FRAS1: variants seen among roughly 807,000 people sequenced by gnomAD.
FRAS1 encodes extracellular matrix organizing protein FRAS1.
Under a neutral mutation model 435.2 loss-of-function variants are expected in FRAS1, and 290 were observed. The ratio of observed to expected loss-of-function variants is 0.67; its 90% confidence interval spans 0.61 to 0.73. The LOEUF is 0.73. Among genes scored for constraint, FRAS1 ranks in the 30% least tolerant of loss-of-function variants. The pLI is 0.00. For missense variants in FRAS1, 4,860 were observed against 5,001.5 expected (o/e 0.97, Z 0.85); for synonymous variants, 1,800 against 1,851.0 (o/e 0.97, Z 0.71).
In FRAS1 at chr4:78,324,253, G is replaced by A. The variant is rs565168159; in HGVS notation, c.2137+5267G>A. On this transcript the variant is annotated intron_variant, in intron 18 of 73. Coordinates refer to ENST00000512123, the MANE Select transcript of FRAS1 (RefSeq NM_025074.7). ...TTAGCAAATAAAAATTCAGGCTTTAGCAAGTTTTAAAAAATGAATAATTTT... is the reference window on the plus strand; with the variant it reads ...TTAGCAAATAAAAATTCAGGCTTTAACAAGTTTTAAAAAATGAATAATTTT... 1.1e-4 allele frequency among the ~76,000 whole-genome samples: 17 copies of A among 152,212 alleles called. No individual in the cohort carries two copies. The South Asian group carries it at 2.1e-3, about 19-fold the overall frequency.
intron 2 of FRAS1, among the ~76,000 whole-genome samples, chr4:78,086,803 TC>T (rs1741204626): frequency 6.6e-6 from 1 of 151,996 alleles, no homozygotes; most frequent in African/African-American, 2.4e-5. Flanking sequence ...CCAAAAAAAG[TC>T]CAGGACCAGA....
intron 20 of FRAS1, among the ~76,000 whole-genome samples, chr4:78,343,049 G>GGTTA (rs1730456545): frequency 6.6e-6 from 1 of 152,096 alleles, no homozygotes; most frequent in Non-Finnish European, 1.5e-5. Flanking sequence ...TCTAAACAAT[G>GGTTA]GTTAATAGGT....
rs1364165490 is a variant in FRAS1, at chr4:78,363,585, A to T, written c.2495A>T (p.Asn832Ile). The change falls in exon 21 of 74, where the codon AAT (asparagine) becomes ATT (isoleucine). Residue 832 changes from asparagine (N) to isoleucine (I), a missense_variant. Asn to Ile is a moderately radical substitution (Grantham distance 149, BLOSUM62 -3). Transcript: ENST00000512123. ...GGGAGCATCTGCCTCAGGTGCCAGAATGCCCACTACCTGCTGCTCGGGGAC... is the reference window on the plus strand; with the variant it reads ...GGGAGCATCTGCCTCAGGTGCCAGATTGCCCACTACCTGCTGCTCGGGGAC... ...NTGSICLRCQ[N>I]AHYLLLGDHC... The T allele has an allele frequency of 3.1e-6, 5 of 1,612,400 alleles. No individual in the cohort carries two copies. Among genetic ancestry groups the T allele is most frequent in the Non-Finnish European group, 4.2e-6 (5 of 1,179,330 alleles).
chr4:78,356,479 AG>A (rs1730861949), intron 20 of FRAS1, among the ~76,000 whole-genome samples: 1 of 152,210 alleles, frequency 6.6e-6, no homozygotes, highest in Admixed American at 6.5e-5. Context: ...AGTCATGCAA[AG>A]AGAAACCACA....
chr4:78,158,558 T>G (rs1578158407), intron 2 of FRAS1, among the ~76,000 whole-genome samples: 1 of 151,918 alleles, frequency 6.6e-6, no homozygotes, highest in Admixed American at 6.6e-5. Context: ...AAAAAAAGAG[T>G]GATCACTAGT....
intron 61 of FRAS1, among the ~76,000 whole-genome samples, chr4:78,500,524 T>C (rs1720642983): frequency 6.6e-6 from 1 of 152,174 alleles, no homozygotes; most frequent in South Asian, 2.1e-4. Flanking sequence ...AGGGTTGAAC[T>C]GTATGCTAGG....
intron 70 of FRAS1, among the ~76,000 whole-genome samples, chr4:78,529,496 C>A (rs1172086653): frequency 2.6e-5 from 4 of 152,114 alleles, no homozygotes. Flanking sequence ...ACTAGGGTCA[C>A]CACTAACCTG....
chr4:78,153,962 A>G (rs1013625256), intron 2 of FRAS1, among the ~76,000 whole-genome samples: 2 of 151,916 alleles, frequency 1.3e-5, no homozygotes, highest in Non-Finnish European at 2.9e-5. Flanking sequence ...TTACTCTACA[A>G]TTTTTTTCAG....
intron 18 of FRAS1, among the ~76,000 whole-genome samples, chr4:78,328,499 C>T (rs72866344): frequency 0.039 from 5,974 of 152,294 alleles, 322 homozygotes; most frequent in African/African-American, 0.12. Flanking sequence ...TGTTTTAAAG[C>T]ATTGCCACCT....
intron 9 of FRAS1, among the ~76,000 whole-genome samples, chr4:78,270,409 G>A (rs895739641): frequency 6.6e-6 from 1 of 152,122 alleles, no homozygotes; most frequent in Non-Finnish European, 1.5e-5. Flanking sequence ...ACACTCTTTT[G>A]AGGATATTTG....
At chr4:78,189,132 AC>A (rs1722416083) in intron 2 of FRAS1, among the ~76,000 whole-genome samples, 1 of 152,190 alleles carries the variant, frequency 6.6e-6, no homozygotes. Context: ...TCTAGTTCTG[AC>A]ATATTTACCT....
intron 20 of FRAS1, among the ~76,000 whole-genome samples, chr4:78,341,667 G>C (rs1055358648): frequency 1.3e-5 from 2 of 152,100 alleles, no homozygotes; most frequent in Admixed American, 6.5e-5. Flanking sequence ...CTCAGCCCTG[G>C]GGGGTAAGGG....
At chr4:78,378,982 G>C (rs1217659458) in intron 26 of FRAS1, among the ~76,000 whole-genome samples, 1 of 152,042 alleles carries the variant, frequency 6.6e-6, no homozygotes, top group African/African-American at 2.4e-5. Flanking sequence ...TTTCTTCTAA[G>C]AGTTTTATAG....
In FRAS1 at chr4:78,479,654, T is replaced by G; in HGVS notation, c.8379T>G (p.Ser2793Arg). 6.2e-7 allele frequency: 1 copy of G among 1,613,336 alleles called. No individual in the cohort carries two copies. Among genetic ancestry groups the G allele is most frequent in the Non-Finnish European group, 8.5e-7 (1 of 1,179,442 alleles). The change falls in exon 56 of 74, where the codon AGT becomes AGG. Residue 2793 changes from serine to arginine, a missense_variant. Physicochemically the swap from Ser to Arg is moderately radical, Grantham distance 110 (BLOSUM62 -1). Coordinates refer to ENST00000512123, the MANE Select transcript of FRAS1 (RefSeq NM_025074.7). The part of the protein sequence containing the change: ...GRVATAKVLI[S>R]GPNDASTVSL... The stretch of plus-strand genomic sequence containing the variant: ...TGGCGACAGCCAAGGTGCTCATTAG[T>G]GGTCCCAACGATGCCTCGACTGTGT...
At chr4:78,077,046 C>A (rs543461180) in intron 2 of FRAS1, among the ~76,000 whole-genome samples, 1 of 152,194 alleles carries the variant, frequency 6.6e-6, no homozygotes, top group Non-Finnish European at 1.5e-5. Flanking sequence ...GTAAGAGAGA[C>A]TGTATCTTTA....
At chr4:78,358,275 T>C (rs1388817867) in intron 20 of FRAS1, among the ~76,000 whole-genome samples, 5 of 152,208 alleles carry the variant, frequency 3.3e-5, no homozygotes, top group Non-Finnish European at 5.9e-5. Context: ...ACAACTCCGA[T>C]TTTCACCAAC....
Position 78,109,715 on chromosome 4 carries a change from C to T in FRAS1, c.108+43699C>T, listed in dbSNP as rs1419403938. On this transcript the variant is annotated intron_variant, in intron 2 of 73. Transcript: ENST00000512123. Reference sequence around the variant, plus strand: ...AAGACAGGGATGCCCTCTCTCACCGCTCCTATTCAACATAGTGTTGGAAGT... The same window carrying T: ...AAGACAGGGATGCCCTCTCTCACCGTTCCTATTCAACATAGTGTTGGAAGT... 1.3e-4 allele frequency among the ~76,000 whole-genome samples: 8 copies of T among 59,348 alleles called. No homozygotes were observed. In the East Asian group the frequency reaches 3.2e-3, roughly 24 times the overall value. 38.9% of individuals were successfully genotyped at this position (59,348 alleles called of 152,430 possible).
intron 61 of FRAS1, among the ~76,000 whole-genome samples, chr4:78,501,456 A>T (rs1202881611): frequency 6.6e-6 from 1 of 152,146 alleles, no homozygotes; most frequent in Non-Finnish European, 1.5e-5. Flanking sequence ...TAGTAGCATG[A>T]TTTATAATTT....
chr4:78,233,225 G>A (rs186259985), intron 2 of FRAS1, among the ~76,000 whole-genome samples: 3 of 152,304 alleles, frequency 2.0e-5, no homozygotes, highest in Admixed American at 2.0e-4. Context: ...GTCATACCAA[G>A]CTTAAGGGAG....
Sources: gnomAD v4.1 joint callset for allele counts (sites outside exome capture counted in the v4.1 genomes callset) on GRCh38, gnomAD v4.1.1 for gene constraint, MANE v1.5 for transcripts, NCBI Gene and HGNC (gene_info 2026-07-23, HGNC 2026-07-21) for gene names.